Variants in TICAM2 observed in about 807,000 individuals in gnomAD.
TICAM2 encodes TIR domain-containing adapter molecule 2.
Under a neutral mutation model 7.3 loss-of-function variants are expected in TICAM2, and 8 were observed. The ratio of observed to expected loss-of-function variants is 1.10; its 90% confidence interval spans 0.65 to 1.99. The LOEUF (loss-of-function observed/expected upper bound fraction) is 1.99. Among genes scored for constraint, TICAM2 ranks in the 30% most tolerant of loss-of-function variants. TICAM2 has a pLI of 0.00. For missense variants in TICAM2, 304 were observed against 278.8 expected (o/e 1.09, Z -0.65); for synonymous variants, 113 against 99.6 (o/e 1.13, Z -0.80).
chr5:115,601,872 A>G (rs571002894), intron 1 of TICAM2, among the ~76,000 whole-genome samples: 6 of 152,322 alleles, frequency 3.9e-5, no homozygotes, highest in African/African-American at 1.4e-4. Flanking sequence ...TGAAACAAAA[A>G]GGCAGACAGC....
intron 1 of TICAM2, among the ~76,000 whole-genome samples, chr5:115,592,718 T>C (rs1293257682): frequency 6.6e-6 from 1 of 152,184 alleles, no homozygotes; most frequent in Non-Finnish European, 1.5e-5. Flanking sequence ...TAGATCAGTC[T>C]AACTCATGAT....
chr5:115,582,326 TTTTTTTTTTTGG>T (rs1030720155), intron 1 of TICAM2, among the ~76,000 whole-genome samples: 1 of 151,088 alleles, frequency 6.6e-6, no homozygotes, highest in Non-Finnish European at 1.5e-5. Flanking sequence ...TGGCTAATTT[TTTTTTTTTTTGG>T]TTTTTTTTTT....
chr5:115,587,091 A>G lies in TICAM2; in HGVS notation c.-59-5776T>C, dbSNP rs569911574. Among the ~76,000 whole-genome samples, 14 of 152,320 alleles carry G rather than the reference A, an allele frequency of 9.2e-5. No individual in the cohort carries two copies. In the East Asian group the frequency reaches 9.6e-4, roughly 10 times the overall value. The stretch of plus-strand genomic sequence containing the variant: ...CACCGGACATTTATGGCTCAAGTCC[A>G]TGAAGGAGGAGGCAGAAGAGGAAGG... On this transcript the variant is annotated intron_variant, in intron 1 of 1. Coordinates refer to ENST00000427199, the MANE Select transcript of TICAM2 (RefSeq NM_021649.7).
chr5:115,596,256 A>G (rs1279615417), intron 1 of TICAM2, among the ~76,000 whole-genome samples: 1 of 152,056 alleles, frequency 6.6e-6, no homozygotes, highest in Non-Finnish European at 1.5e-5. Context: ...TTGGTCCCCT[A>G]CTCTCAATCA....
intron 1 of TICAM2, among the ~76,000 whole-genome samples, chr5:115,585,238 C>A (rs1284968602): frequency 6.6e-6 from 1 of 152,092 alleles, no homozygotes; most frequent in Non-Finnish European, 1.5e-5. Flanking sequence ...ACATTAGCAG[C>A]TATTATTGCT....
intron 1 of TICAM2, among the ~76,000 whole-genome samples, chr5:115,588,337 G>T (rs1206717691): frequency 6.6e-6 from 1 of 152,194 alleles, no homozygotes; most frequent in Non-Finnish European, 1.5e-5. Context: ...ACTCTTGAGT[G>T]TGCTGGGTCA....
In TICAM2 at chr5:115,587,817, G is replaced by A. The variant is rs111263912; in HGVS notation, c.-59-6502C>T. 5.2e-3 allele frequency among the ~76,000 whole-genome samples: 786 copies of A among 152,226 alleles called. 9 individuals carry two copies. The highest frequency in any genetic ancestry group is 0.034 in the Middle Eastern group (10 of 294). On this transcript the variant is annotated intron_variant, in intron 1 of 1. Coordinates refer to ENST00000427199, the MANE Select transcript of TICAM2 (RefSeq NM_021649.7). ...GCATAAAAGAGCATCTTAGATTGGGGATACAAGTTAGTTGCTTGCTTAAAT... is the reference window on the plus strand; with the variant it reads ...GCATAAAAGAGCATCTTAGATTGGGAATACAAGTTAGTTGCTTGCTTAAAT...
chr5:115,584,353 G>A (rs764201950), intron 1 of TICAM2, among the ~76,000 whole-genome samples: 38 of 151,918 alleles, frequency 2.5e-4, no homozygotes, highest in Admixed American at 9.8e-4. Context: ...CCGTAACAGC[G>A]CATAGAGAAC....
At chr5:115,590,409 AC>A (rs1332428831) in intron 1 of TICAM2, among the ~76,000 whole-genome samples, 6 of 152,326 alleles carry the variant, frequency 3.9e-5, no homozygotes, top group Non-Finnish European at 8.8e-5. Flanking sequence ...CCATTATCTA[AC>A]TATGAAGAAA....
intron 1 of TICAM2, among the ~76,000 whole-genome samples, chr5:115,589,206 G>A (rs1484124603): frequency 6.6e-6 from 1 of 152,128 alleles, no homozygotes; most frequent in Non-Finnish European, 1.5e-5. Flanking sequence ...GGCCCATAAA[G>A]CCTACAATAT....
chr5:115,581,167 A>G lies in TICAM2; in HGVS notation c.90T>C (p.His30=). 6.2e-7 allele frequency: 1 copy of G among 1,613,922 alleles called. No individual in the cohort carries two copies. Among genetic ancestry groups the G allele is most frequent in the South Asian group, 1.1e-5 (1 of 91,014 alleles). The part of the protein sequence containing the change: ...RHSVDTSPGY[H]ESDSKKSEDL... ...CTTCAGACTTCTTGGAATCTGACTCATGATATCCTGGACTTGTATCCACAC... is the reference window on the plus strand; with the variant it reads ...CTTCAGACTTCTTGGAATCTGACTCGTGATATCCTGGACTTGTATCCACAC... The change falls in exon 2 of 2, where the codon CAT becomes CAC. Residue 30 remains histidine, a synonymous_variant. Transcript: ENST00000427199.
Position 115,580,277 on chromosome 5 carries a change from T to A in TICAM2, c.*272A>T. ...TGTTCAAGGTTCAATACAAGGAATATGGATTGAGAATTCCTTTTTCATATC... is the reference window on the plus strand; with the variant it reads ...TGTTCAAGGTTCAATACAAGGAATAAGGATTGAGAATTCCTTTTTCATATC... On this transcript the variant is annotated 3_prime_UTR_variant, in exon 2 of 2. Coordinates refer to ENST00000427199, the MANE Select transcript of TICAM2 (RefSeq NM_021649.7). The A allele has an allele frequency of 3.0e-6, 1 of 334,696 alleles. No individual in the cohort carries two copies. The highest frequency in any genetic ancestry group is 5.3e-6 in the Non-Finnish European group (1 of 189,812). 20.7% of individuals were successfully genotyped at this position (334,696 alleles called of 1,614,324 possible).
chr5:115,601,334 T>C (rs1040957973), intron 1 of TICAM2, among the ~76,000 whole-genome samples: 5 of 147,880 alleles, frequency 3.4e-5, no homozygotes, highest in Admixed American at 6.7e-5. Context: ...CCTTCAGAGG[T>C]GGGGGGATGC....
chr5:115,596,285 T>TCAA (rs1386749145), intron 1 of TICAM2, among the ~76,000 whole-genome samples: 1 of 152,196 alleles, frequency 6.6e-6, no homozygotes, highest in African/African-American at 2.4e-5. Flanking sequence ...CATTCTCCAC[T>TCAA]CAACAGCCAG....
intron 1 of TICAM2, among the ~76,000 whole-genome samples, chr5:115,600,941 T>G (rs564881260): frequency 6.6e-6 from 1 of 152,302 alleles, no homozygotes; most frequent in Admixed American, 6.5e-5. Flanking sequence ...AAGAATAGCA[T>G]AAGGAACAAA....
chr5:115,580,874 G>T lies in TICAM2; in HGVS notation c.383C>A (p.Ala128Asp). 1 of 1,613,572 alleles carries T rather than the reference G, an allele frequency of 6.2e-7. No homozygotes were observed. The highest frequency in any genetic ancestry group is 8.5e-7 in the Non-Finnish European group (1 of 1,179,604). The change falls in exon 2 of 2, where the codon GCT (alanine) becomes GAT (aspartate). Residue 128 changes from alanine (A) to aspartate (D), a missense_variant. Coordinates refer to ENST00000427199, the MANE Select transcript of TICAM2 (RefSeq NM_021649.7). The stretch of plus-strand genomic sequence containing the variant: ...GATTGTCCATGCAGACCCATTTACA[G>T]CATCATCTAAATTCTGTAAATGCTG... ...GRQHLQNLDD[A>D]VNGSAWTILL...
At position 115,580,340 on chromosome 5, in the gene TICAM2, ACT is replaced by A. The variant is rs1754871489; in HGVS notation, c.*207_*208del. 3.3e-6 allele frequency: 2 copies of A among 603,768 alleles called. No individual in the cohort carries two copies. The highest frequency in any genetic ancestry group is 5.0e-4 in the Middle Eastern group (1 of 2,006). The allele number at this position is 603,768 out of a possible 1,614,324, so 37.4% of individuals were successfully genotyped here. A position where few individuals can be genotyped will look rare whatever the true frequency, so the allele number is the denominator to read the frequency against. ...AAATTGTGAAAGAAAAGTCCTTGAA[ACT>A]CTGACAATGTCAAGTTTACTGAAAC... is the stretch of plus-strand genomic sequence containing the variant. On this transcript the variant is annotated 3_prime_UTR_variant, in exon 2 of 2. Coordinates refer to ENST00000427199, the MANE Select transcript of TICAM2 (RefSeq NM_021649.7).
chr5:115,591,600 A>T (rs1380955243), intron 1 of TICAM2, among the ~76,000 whole-genome samples: 2 of 152,226 alleles, frequency 1.3e-5, no homozygotes, highest in Non-Finnish European at 2.9e-5. Context: ...GTAAGAAAAA[A>T]ATCTAAAATT....
At chr5:115,596,463 G>C (rs1283761168) in intron 1 of TICAM2, among the ~76,000 whole-genome samples, 1 of 152,154 alleles carries the variant, frequency 6.6e-6, no homozygotes, top group Non-Finnish European at 1.5e-5. Flanking sequence ...TGTTCCTCCA[G>C]CTCCCTGCAC....
Sources: allele counts gnomAD v4.1 joint callset (sites outside exome capture counted in the v4.1 genomes callset), GRCh38; gene constraint gnomAD v4.1.1; transcripts MANE v1.5; gene names NCBI Gene and HGNC (gene_info 2026-07-23, HGNC 2026-07-21).